The following CCDC192 variants were observed in gnomAD, a reference collection of about 807,000 sequenced individuals.
The protein encoded by CCDC192 is coiled-coil domain-containing protein 192.
chr5:127,813,466 G>A (rs1758193517), intron 5 of CCDC192, among the ~76,000 whole-genome samples: 1 of 152,058 alleles, frequency 6.6e-6, no homozygotes, highest in Non-Finnish European at 1.5e-5. Flanking sequence ...CTGCTCATCT[G>A]CAGTTTTTTA....
intron 6 of CCDC192, among the ~76,000 whole-genome samples, chr5:127,934,521 C>T (rs1281133478): frequency 2.0e-5 from 3 of 152,178 alleles, no homozygotes; most frequent in East Asian, 1.9e-4. Context: ...AATTGAAGTA[C>T]CTTTGAAGTC....
intron 3 of CCDC192, among the ~76,000 whole-genome samples, chr5:127,761,829 TAA>T (rs1435488585): frequency 6.6e-6 from 1 of 152,182 alleles, no homozygotes; most frequent in African/African-American, 2.4e-5. Flanking sequence ...AAAAAACTAA[TAA>T]GTTATGTTTG....
chr5:127,732,809 G>C (rs375925321), intron 2 of CCDC192, among the ~76,000 whole-genome samples: 1 of 152,144 alleles, frequency 6.6e-6, no homozygotes, highest in South Asian at 2.1e-4. Context: ...CATGAACACA[G>C]GGAGGGGAAT....
At chr5:127,828,385 G>A (rs560380498) in intron 5 of CCDC192, among the ~76,000 whole-genome samples, 1 of 152,182 alleles carries the variant, frequency 6.6e-6, no homozygotes, top group Non-Finnish European at 1.5e-5. Flanking sequence ...GAGTCATCTG[G>A]TAGACTACTA....
At chr5:127,754,675 C>G (rs1480202410) in intron 3 of CCDC192, among the ~76,000 whole-genome samples, 1 of 152,028 alleles carries the variant, frequency 6.6e-6, no homozygotes, top group African/African-American at 2.4e-5. Flanking sequence ...TTAGGCAAAC[C>G]TTCTTTAACT....
intron 5 of CCDC192, among the ~76,000 whole-genome samples, chr5:127,842,815 A>G (rs552417075): frequency 7.7e-4 from 117 of 152,274 alleles, no homozygotes; most frequent in Middle Eastern, 6.8e-3. Flanking sequence ...CAACCTGGCT[A>G]ATCCCCTAAT....
At chr5:127,745,295 A>G (rs1753674764) in intron 2 of CCDC192, among the ~76,000 whole-genome samples, 1 of 152,238 alleles carries the variant, frequency 6.6e-6, no homozygotes, top group African/African-American at 2.4e-5. Context: ...GATAATGAGA[A>G]GGTACTGGAA....
intron 5 of CCDC192, among the ~76,000 whole-genome samples, chr5:127,819,498 A>G (rs1179522843): frequency 1.3e-5 from 2 of 152,018 alleles, no homozygotes; most frequent in African/African-American, 2.4e-5. Context: ...CAGTGATGTG[A>G]TAATATATGT....
At chr5:127,883,698 G>C (rs4099110) in intron 6 of CCDC192, among the ~76,000 whole-genome samples, 1 of 152,222 alleles carries the variant, frequency 6.6e-6, no homozygotes, top group East Asian at 1.9e-4. Context: ...ACTTCTTCCA[G>C]CTGGAGGCTG....
chr5:127,752,758 C>T (rs182704597), intron 2 of CCDC192, among the ~76,000 whole-genome samples: 2,458 of 152,288 alleles, frequency 0.016, 33 homozygotes, highest in African/African-American at 0.037. Context: ...TGCTAGCAGT[C>T]AGCGAGACTC....
intron 5 of CCDC192, among the ~76,000 whole-genome samples, chr5:127,824,219 A>G (rs928614858): frequency 7.2e-5 from 11 of 152,206 alleles, no homozygotes; most frequent in African/African-American, 2.2e-4. Context: ...ACTAACAATA[A>G]TATCAACAAC....
intron 2 of CCDC192, among the ~76,000 whole-genome samples, chr5:127,741,297 G>A (rs1274970116): frequency 6.6e-6 from 1 of 152,046 alleles, no homozygotes; most frequent in Non-Finnish European, 1.5e-5. Flanking sequence ...TCCTGGGCTC[G>A]AGAGATCTGT....
At chr5:127,916,623 A>G (rs374635087) in intron 6 of CCDC192, among the ~76,000 whole-genome samples, 1 of 152,266 alleles carries the variant, frequency 6.6e-6, no homozygotes, top group East Asian at 1.9e-4. Context: ...CTCCTTGTAC[A>G]TCTCTACCAA....
intron 6 of CCDC192, among the ~76,000 whole-genome samples, chr5:127,903,790 G>T (rs1753122593): frequency 6.6e-6 from 1 of 152,130 alleles, no homozygotes; most frequent in Non-Finnish European, 1.5e-5. Context: ...TTTTTAAAAA[G>T]AAATAAAATC....
At chr5:127,816,068 G>T (rs990289788) in intron 5 of CCDC192, among the ~76,000 whole-genome samples, 1 of 152,120 alleles carries the variant, frequency 6.6e-6, no homozygotes, top group African/African-American at 2.4e-5. Flanking sequence ...TAAAGAAGTT[G>T]AGATACATTA....
At chr5:127,926,667 G>GT (rs1753870987) in intron 6 of CCDC192, among the ~76,000 whole-genome samples, 1 of 152,274 alleles carries the variant, frequency 6.6e-6, no homozygotes, top group Admixed American at 6.5e-5. Context: ...AATGAGTTGA[G>GT]TTTTTGGCAT....
intron 5 of CCDC192, among the ~76,000 whole-genome samples, chr5:127,857,035 A>C (rs1411824930): frequency 6.6e-6 from 1 of 152,200 alleles, no homozygotes; most frequent in Non-Finnish European, 1.5e-5. Context: ...CAATTTGTGA[A>C]AAATGTGTTG....
intron 5 of CCDC192, among the ~76,000 whole-genome samples, chr5:127,865,094 C>T (rs377439472): frequency 3.9e-5 from 6 of 152,066 alleles, no homozygotes; most frequent in East Asian, 1.9e-4. Flanking sequence ...TTGCAGTGAC[C>T]GGAGATCACG....
intron 5 of CCDC192, among the ~76,000 whole-genome samples, chr5:127,847,822 TAAATA>T (rs1750625448): frequency 6.0e-5 from 1 of 16,756 alleles, no homozygotes; most frequent in Non-Finnish European, 1.2e-4. Flanking sequence ...GACTCCATCT[TAAATA>T]AATAAATAAA....
Sources: gnomAD v4.1 joint callset for allele counts (sites outside exome capture counted in the v4.1 genomes callset) on GRCh38, gnomAD v4.1.1 for gene constraint, MANE v1.5 for transcripts, NCBI Gene and HGNC (gene_info 2026-07-23, HGNC 2026-07-21) for gene names.